Variants in JPH2 observed in about 807,000 individuals in gnomAD.
JPH2 encodes the protein junctophilin 2, also known as junctophilin-2.
In JPH2, 38 loss-of-function variants were observed where a neutral mutation model predicts 55.9. That is an observed-to-expected ratio of 0.68 (90% CI 0.52 to 0.89). The LOEUF (loss-of-function observed/expected upper bound fraction) is 0.89, where lower values mean the gene tolerates loss of function less well. Among genes scored for constraint, JPH2 ranks in the 40% least tolerant of loss-of-function variants. The pLI is 0.00. For missense variants in JPH2, 964 were observed against 1,037.6 expected (o/e 0.93, Z 0.97); for synonymous variants, 480 against 472.4 (o/e 1.02, Z -0.21).
chr20:44,132,445 C>G (rs2072328578), intron 2 of JPH2, among the ~76,000 whole-genome samples: 1 of 151,184 alleles, frequency 6.6e-6, no homozygotes, highest in African/African-American at 2.4e-5. Flanking sequence ...CCCCCCCTTG[C>G]CCCACCCCAT....
In JPH2 at chr20:44,134,925, T is replaced by TTA. The variant is rs1165334800; in HGVS notation, c.1170-16304_1170-16303dup. On this transcript the variant is annotated intron_variant, in intron 2 of 5. Coordinates refer to ENST00000372980, the MANE Select transcript of JPH2 (RefSeq NM_020433.5). ...ATATATATATATAAAATATATATAT[T>TTA]TATATATATATATAAAACCACCTGT... 1.3e-3 allele frequency among the ~76,000 whole-genome samples: 58 copies of TTA among 44,498 alleles called. 1 individual carries two copies. Among genetic ancestry groups the TTA allele is most frequent in the East Asian group, 5.5e-3 (15 of 2,704 alleles). The allele number at this position is 44,498 out of a possible 152,430, so 29.2% of individuals were successfully genotyped here.
chr20:44,136,561 G>C (rs1027103042), intron 2 of JPH2, among the ~76,000 whole-genome samples: 3 of 151,986 alleles, frequency 2.0e-5, no homozygotes, highest in African/African-American at 4.8e-5. Flanking sequence ...CTCTAAAGTA[G>C]GTATCACTAT....
chr20:44,122,838 T>G (rs541634479), intron 2 of JPH2, among the ~76,000 whole-genome samples: 1 of 152,212 alleles, frequency 6.6e-6, no homozygotes, highest in South Asian at 2.1e-4. Flanking sequence ...TGCACGTGAG[T>G]ATGTGTGAGA....
intron 1 of JPH2, among the ~76,000 whole-genome samples, chr20:44,165,510 CT>C (rs1055791080): frequency 2.0e-5 from 3 of 152,164 alleles, no homozygotes; most frequent in Non-Finnish European, 4.4e-5. Context: ...CTATCCATCC[CT>C]AACACAGCAA....
In JPH2 at chr20:44,160,017, G is replaced by A. The variant is rs1213971175; in HGVS notation, c.770C>T (p.Ala257Val). ...GCTGGCGGTGGACGCGGCGTCGCTGGCGCCCGAGCTGAGGTCGCTCTTAAG... is the reference window on the plus strand; with the variant it reads ...GCTGGCGGTGGACGCGGCGTCGCTGACGCCCGAGCTGAGGTCGCTCTTAAG... Reference protein sequence around the residue: ...SFLKSDLSSGASDAASTASLG... With the variant: ...SFLKSDLSSGVSDAASTASLG... The change falls in exon 2 of 6, where the codon GCC becomes GTC. Residue 257 changes from alanine (A) to valine (V), a missense_variant. Transcript: ENST00000372980. The surrounding 1 kb of genome is among the most constrained non-coding windows in gnomAD (Gnocchi z 4.9). 1.3e-6 allele frequency: 2 copies of A among 1,569,832 alleles called. No homozygotes were observed. Among genetic ancestry groups the A allele is most frequent in the Non-Finnish European group, 1.7e-6 (2 of 1,164,924 alleles).
chr20:44,143,030 A>C (rs574562551), intron 2 of JPH2, among the ~76,000 whole-genome samples: 14 of 152,296 alleles, frequency 9.2e-5, no homozygotes, highest in South Asian at 4.1e-4. Flanking sequence ...CTGAGGAAGA[A>C]ACAGTCAAGC....
At chr20:44,117,193 T>G (rs572757868) in intron 3 of JPH2, among the ~76,000 whole-genome samples, 38 of 152,294 alleles carry the variant, frequency 2.5e-4, no homozygotes, top group African/African-American at 8.9e-4. Context: ...GCAGGAGAAT[T>G]GCTTGAACCA....
chr20:44,139,650 T>C (rs765954823), intron 2 of JPH2, among the ~76,000 whole-genome samples: 1 of 152,222 alleles, frequency 6.6e-6, no homozygotes, highest in Non-Finnish European at 1.5e-5. Context: ...TATACATTTG[T>C]TTATATTAGG....
chr20:44,166,721 G>T (rs1439484397), intron 1 of JPH2, among the ~76,000 whole-genome samples: 1 of 152,176 alleles, frequency 6.6e-6, no homozygotes, highest in African/African-American at 2.4e-5. Context: ...CTCCAAGACA[G>T]GACAGTTCTC....
intron 2 of JPH2, among the ~76,000 whole-genome samples, chr20:44,123,043 C>T (rs944094598): frequency 6.6e-6 from 1 of 152,182 alleles, no homozygotes; most frequent in Admixed American, 6.5e-5. Context: ...CAGCCTCTCC[C>T]CACAGCCCTG....
chr20:44,185,777 G>A (rs900666119), intron 1 of JPH2, among the ~76,000 whole-genome samples: 53 of 151,930 alleles, frequency 3.5e-4, no homozygotes, highest in African/African-American at 1.3e-3. Flanking sequence ...TTGGGTGGAA[G>A]CATGAATGCG....
rs2072603004 is a variant in JPH2 at position 44,160,486 on chromosome 20, C to T, written c.380-79G>A. 1.4e-6 allele frequency: 2 copies of T among 1,448,010 alleles called. No homozygotes were observed. Among genetic ancestry groups the T allele is most frequent in the Non-Finnish European group, 1.9e-6 (2 of 1,057,998 alleles). 89.7% of individuals were successfully genotyped at this position (1,448,010 alleles called of 1,614,324 possible). On this transcript the variant is annotated intron_variant, in intron 1 of 5. Transcript: ENST00000372980. The surrounding 1 kb of genome is among the most constrained non-coding windows in gnomAD (Gnocchi z 4.9). ...GCACGGTGGCCTGGGAGGGCAAGGG[C>T]GGGAGTGGGCAAGGCGGGGTGGGAC...
intron 1 of JPH2, among the ~76,000 whole-genome samples, chr20:44,171,094 A>G (rs766240838): frequency 3.9e-5 from 6 of 152,278 alleles, no homozygotes; most frequent in Admixed American, 2.6e-4. Flanking sequence ...CCCTGCAGTA[A>G]CTTCCCAGTG....
At position 44,116,110 on chromosome 20, in the gene JPH2, C is replaced by T. The variant is rs980412081; in HGVS notation, c.1565G>A (p.Arg522Gln). 2.2e-5 allele frequency: 32 copies of T among 1,478,736 alleles called. No individual in the cohort carries two copies. The Admixed American group carries it at 2.6e-4, about 12-fold the overall frequency. The allele number at this position is 1,478,736 out of a possible 1,614,324, so 91.6% of individuals were successfully genotyped here. Residue 522 changes from arginine to glutamine, a missense_variant, in exon 4 of 6, where the codon CGG (arginine) becomes CAG (glutamine). Physicochemically the swap from Arg to Gln is conservative, Grantham distance 43. Coordinates refer to ENST00000372980, the MANE Select transcript of JPH2 (RefSeq NM_020433.5). ...CGCGCCCTCGGACGGAGTGACTGAC[C>T]GGCTGCCCTCACCGCTGGGCTCGCC... ...WNGEPSGEGSRSVTPSEGAGR... is the reference protein window; with the variant it reads ...WNGEPSGEGSQSVTPSEGAGR...
chr20:44,115,824 C>T lies in JPH2; in HGVS notation c.1851G>A (p.Glu617=), dbSNP rs759468707. 36 of 1,601,728 alleles carry T rather than the reference C, an allele frequency of 2.2e-5. No homozygotes were observed. The highest frequency in any genetic ancestry group is 3.0e-5 in the Non-Finnish European group (35 of 1,178,204). Residue 617 remains glutamate (E), a synonymous_variant, in exon 4 of 6, where the codon GAG becomes GAA. Transcript: ENST00000372980. ...GCTTGGGCTCCAGCTTGGCGGGGGT[C>T]TCGCGTGCAGGCTCGGGGCCTCGGA... The part of the protein sequence containing the change: ...PTLRGPEPAR[E]TPAKLEPKPI...
rs111319388 is a variant in JPH2 at position 44,115,727 on chromosome 20, C to T, written c.1948G>A (p.Ala650Thr). Residue 650 changes from alanine (A) to threonine (T), a missense_variant, in exon 4 of 6, where the codon GCC becomes ACC. Transcript: ENST00000372980. The part of the protein sequence containing the change: ...TEARGLTKAG[A>T]KKKARKEAAL... ...GCCTCCTTCCGCGCCTTCTTCTTGG[C>T]CCCCGCCTTGGTCAGCCCTCGAGCC... 38 of 1,613,570 alleles carry T rather than the reference C, an allele frequency of 2.4e-5. No homozygotes were observed. The highest frequency in any genetic ancestry group is 3.2e-5 in the Non-Finnish European group (38 of 1,180,008).
intron 1 of JPH2, among the ~76,000 whole-genome samples, chr20:44,162,761 T>TATATATATATATATATATATATATACAC (rs2072620407): frequency 1.5e-5 from 1 of 67,624 alleles, no homozygotes; most frequent in Non-Finnish European, 2.8e-5. Context: ...TATATATATA[T>TATATATATATATATATATATATATACAC]ATATATATAT....
At chr20:44,180,356 G>A (rs752521989) in intron 1 of JPH2, among the ~76,000 whole-genome samples, 2 of 151,108 alleles carry the variant, frequency 1.3e-5, no homozygotes, top group Non-Finnish European at 2.9e-5. Flanking sequence ...TTTTGACACA[G>A]TGTCTCATTC....
At chr20:44,120,329 A>C (rs1358766966) in intron 2 of JPH2, among the ~76,000 whole-genome samples, 1 of 152,118 alleles carries the variant, frequency 6.6e-6, no homozygotes, top group East Asian at 1.9e-4. Flanking sequence ...CAAATTTTAA[A>C]TATTCATTGT....
Sources: allele counts gnomAD v4.1 joint callset (sites outside exome capture counted in the v4.1 genomes callset), GRCh38; gene constraint gnomAD v4.1.1; non-coding constraint Gnocchi (gnomAD v3.1); transcripts MANE v1.5; gene names NCBI Gene and HGNC (gene_info 2026-07-23, HGNC 2026-07-21).